Variants in GPC5 observed in about 807,000 individuals in gnomAD.
GPC5 encodes glypican-5.
In GPC5, 47 loss-of-function variants were observed where a neutral mutation model predicts 53.9. The ratio of observed to expected loss-of-function variants is 0.87; its 90% CI spans 0.69 to 1.11. The LOEUF (loss-of-function observed/expected upper bound fraction) is 1.11, where lower values mean the gene tolerates loss of function less well. GPC5 is among the 50% of genes most tolerant of loss of function. The pLI, the probability that GPC5 is intolerant of heterozygous loss-of-function variation, is 0.00. For missense variants in GPC5, 748 were observed against 713.1 expected (o/e 1.05, Z -0.56); for synonymous variants, 286 against 263.3 (o/e 1.09, Z -0.84).
intron 7 of GPC5, among the ~76,000 whole-genome samples, chr13:92,184,839 ATAAT>A (rs1390287891): frequency 6.6e-6 from 1 of 152,178 alleles, no homozygotes; most frequent in Non-Finnish European, 1.5e-5. Context: ...AACTGCATAC[ATAAT>A]TAAGGTATTC....
At chr13:91,699,086 A>G (rs897538287) in intron 3 of GPC5, among the ~76,000 whole-genome samples, 1 of 152,204 alleles carries the variant, frequency 6.6e-6, no homozygotes, top group Non-Finnish European at 1.5e-5. Context: ...AGGTTCAAAC[A>G]TGGATGAAAT....
chr13:91,948,972 G>A (rs1318621474), intron 6 of GPC5, among the ~76,000 whole-genome samples: 1 of 152,052 alleles, frequency 6.6e-6, no homozygotes, highest in Admixed American at 6.5e-5. Flanking sequence ...TGTCTGAGAG[G>A]GAGATATTAA....
intron 5 of GPC5, among the ~76,000 whole-genome samples, chr13:91,871,805 C>T (rs966036997): frequency 6.6e-6 from 1 of 151,820 alleles, no homozygotes; most frequent in Admixed American, 6.6e-5. Context: ...AGAGAAAATG[C>T]ATTGCCATGA....
chr13:92,064,432 A>G (rs980145298), intron 6 of GPC5, among the ~76,000 whole-genome samples: 5 of 152,278 alleles, frequency 3.3e-5, no homozygotes, highest in African/African-American at 1.2e-4. Flanking sequence ...GTTACAAAGA[A>G]ACTTGAAACA....
At chr13:92,807,276 T>C (rs1877131155) in intron 7 of GPC5, among the ~76,000 whole-genome samples, 1 of 152,082 alleles carries the variant, frequency 6.6e-6, no homozygotes, top group Non-Finnish European at 1.5e-5. Flanking sequence ...TCTGAGAAAC[T>C]ATAGAAATTA....
intron 3 of GPC5, among the ~76,000 whole-genome samples, chr13:91,704,392 AC>A (rs996692776): frequency 2.0e-5 from 3 of 151,850 alleles, no homozygotes; most frequent in Admixed American, 6.6e-5. Context: ...AGAAGGCATG[AC>A]CCACCCCCGC....
At chr13:92,561,349 G>A (rs1184007794) in intron 7 of GPC5, among the ~76,000 whole-genome samples, 1 of 152,000 alleles carries the variant, frequency 6.6e-6, no homozygotes, top group African/African-American at 2.4e-5. Context: ...TAGTGGTTGA[G>A]CGCGTGGTCT....
chr13:92,076,847 G>A (rs1264057932), intron 6 of GPC5, among the ~76,000 whole-genome samples: 1 of 151,972 alleles, frequency 6.6e-6, no homozygotes, highest in Non-Finnish European at 1.5e-5. Context: ...TTTCTTCCAG[G>A]CCCTCCCAAT....
intron 7 of GPC5, among the ~76,000 whole-genome samples, chr13:92,757,152 G>T (rs1243855347): frequency 2.0e-5 from 3 of 152,062 alleles, no homozygotes; most frequent in Non-Finnish European, 4.4e-5. Flanking sequence ...CAATGGAACA[G>T]AACAGAGCCC....
At chr13:92,668,756 T>G (rs71427589) in intron 7 of GPC5, among the ~76,000 whole-genome samples, 33,470 of 151,906 alleles carry the variant, frequency 0.22, 4,302 homozygotes, top group South Asian at 0.36. Context: ...ATAGTTGTAT[T>G]TTTTACATTT....
intron 6 of GPC5, among the ~76,000 whole-genome samples, chr13:91,921,096 CTGGCT>C (rs2039709282): frequency 1.3e-5 from 2 of 151,870 alleles, no homozygotes; most frequent in Non-Finnish European, 2.9e-5. Flanking sequence ...ACCATCATGC[CTGGCT>C]AATTTTTGTA....
intron 7 of GPC5, among the ~76,000 whole-genome samples, chr13:92,188,897 A>G (rs1400595136): frequency 6.6e-6 from 1 of 152,224 alleles, no homozygotes; most frequent in African/African-American, 2.4e-5. Context: ...TAGCTCTGTT[A>G]GAGCAGTGAG....
At chr13:91,956,166 C>A (rs1048814344) in intron 6 of GPC5, among the ~76,000 whole-genome samples, 6 of 151,564 alleles carry the variant, frequency 4.0e-5, no homozygotes, top group East Asian at 2.0e-4. Context: ...TCAGTTTTCT[C>A]CCCCCCACCC....
At chr13:91,835,051 A>AAAAAAAAC (rs2038707552) in intron 5 of GPC5, among the ~76,000 whole-genome samples, 1 of 151,616 alleles carries the variant, frequency 6.6e-6, no homozygotes, top group Admixed American at 6.6e-5. Context: ...AATTTACAAG[A>AAAAAAAAC]AAACAACCCC....
chr13:91,725,771 G>A (rs2036563671), intron 3 of GPC5, among the ~76,000 whole-genome samples: 1 of 152,140 alleles, frequency 6.6e-6, no homozygotes, highest in Non-Finnish European at 1.5e-5. Flanking sequence ...GTCTGACGAG[G>A]GAGGGACAGG....
At chr13:91,826,395 T>C (rs2038577727) in intron 5 of GPC5, among the ~76,000 whole-genome samples, 2 of 152,104 alleles carry the variant, frequency 1.3e-5, no homozygotes, top group African/African-American at 4.8e-5. Flanking sequence ...ATTGAAAGTA[T>C]ATTGCTTTTA....
intron 6 of GPC5, among the ~76,000 whole-genome samples, chr13:92,087,036 A>G (rs192667350): frequency 1.3e-5 from 2 of 152,374 alleles, no homozygotes; most frequent in East Asian, 3.9e-4. Context: ...CCAAATCCAC[A>G]CAGGAGTGAA....
chr13:91,964,196 C>T (rs1037571853), intron 6 of GPC5, among the ~76,000 whole-genome samples: 2 of 152,188 alleles, frequency 1.3e-5, no homozygotes, highest in Non-Finnish European at 2.9e-5. Flanking sequence ...GTGAGTGTTA[C>T]AGCTCACAAA....
chr13:92,405,553 T>C (rs112921715), intron 7 of GPC5, among the ~76,000 whole-genome samples: 1 of 152,210 alleles, frequency 6.6e-6, no homozygotes, highest in African/African-American at 2.4e-5. Flanking sequence ...ACATGAACAT[T>C]GAGTCTGCAA....
Sources: allele counts gnomAD v4.1 joint callset (sites outside exome capture counted in the v4.1 genomes callset), GRCh38; gene constraint gnomAD v4.1.1; transcripts MANE v1.5; gene names NCBI Gene and HGNC (gene_info 2026-07-23, HGNC 2026-07-21).